The following KALRN variants were observed in gnomAD, a reference collection of about 807,000 sequenced individuals.
KALRN encodes the protein kalirin RhoGEF kinase.
A neutral mutation model predicts 353.7 loss-of-function variants in KALRN; 70 were observed. The observed-to-expected ratio is 0.20, with a 90% CI of 0.16 to 0.24. The LOEUF is 0.24. Ranked by LOEUF, KALRN falls within the 10% of genes least tolerant of loss-of-function variation. The pLI, the probability that KALRN is intolerant of heterozygous loss-of-function variation, is 1.00. For synonymous variants in KALRN, 1,391 were observed against 1,434.8 expected (o/e 0.97, Z 0.69); for missense variants, 2,791 against 3,756.7 (o/e 0.74, Z 6.72).
At chr3:124,038,875 C>T (rs961161665) in intron 1 of KALRN, among the ~76,000 whole-genome samples, 1 of 152,240 alleles carries the variant, frequency 6.6e-6, no homozygotes, top group African/African-American at 2.4e-5. Flanking sequence ...TGAGGACTCT[C>T]TTTCCTCCAA....
At chr3:124,706,358 T>C (rs555252772) in intron 57 of KALRN, among the ~76,000 whole-genome samples, 1 of 152,318 alleles carries the variant, frequency 6.6e-6, no homozygotes, top group South Asian at 2.1e-4. Context: ...TCTTATCCAC[T>C]GGACCTCCAG....
At chr3:124,339,039 G>A (rs535451129) in intron 9 of KALRN, among the ~76,000 whole-genome samples, 65 of 152,334 alleles carry the variant, frequency 4.3e-4, no homozygotes, top group Non-Finnish European at 8.8e-4. Flanking sequence ...ATTTGGGAAT[G>A]AGGTGGAGCC....
At chr3:124,158,750 A>G (rs1342881775) in intron 1 of KALRN, among the ~76,000 whole-genome samples, 1 of 152,192 alleles carries the variant, frequency 6.6e-6, no homozygotes, top group African/African-American at 2.4e-5. Flanking sequence ...GATTACGGCA[A>G]TGGATGGGGA....
At chr3:124,048,970 T>C (rs2040779972) in intron 1 of KALRN, among the ~76,000 whole-genome samples, 2 of 152,244 alleles carry the variant, frequency 1.3e-5, no homozygotes, top group South Asian at 2.1e-4. Context: ...CAAAGGTGAC[T>C]GTAGGACAAC....
chr3:124,399,991 T>A (rs2090657636), intron 13 of KALRN, among the ~76,000 whole-genome samples: 1 of 152,204 alleles, frequency 6.6e-6, no homozygotes, highest in Admixed American at 6.5e-5. Flanking sequence ...CTGGCTGGTA[T>A]GGTAGGGGGA....
chr3:124,375,022 C>G (rs1385654485), intron 10 of KALRN, among the ~76,000 whole-genome samples: 3 of 152,166 alleles, frequency 2.0e-5, no homozygotes, highest in Non-Finnish European at 4.4e-5. Context: ...ATCTTCTTCA[C>G]TTTTAAAATA....
rs2067074277 is a variant in KALRN, at chr3:124,144,603, TCCTCCTCTTCCTC to T, written c.74-83386_74-83374del. Among the ~76,000 whole-genome samples the T allele has an allele frequency of 3.6e-5, 3 of 82,222 alleles. No homozygotes were observed. The Admixed American group carries it at 4.2e-4, about 12-fold the overall frequency. The allele number at this position is 82,222 out of a possible 152,430, so 53.9% of individuals were successfully genotyped here. A position where few individuals can be genotyped will look rare whatever the true frequency, so the allele number is the denominator to read the frequency against. ...CTCCTCCTCTTCCTCGTCTTCCTTC[TCCTCCTCTTCCTC>T]ATCCTCCTCCTCTTCCTCATCCTCC... On this transcript the variant is annotated intron_variant, in intron 1 of 59. Transcript: ENST00000682506.
intron 33 of KALRN, among the ~76,000 whole-genome samples, chr3:124,496,800 C>T (rs1372688299): frequency 6.6e-6 from 1 of 152,118 alleles, no homozygotes; most frequent in Non-Finnish European, 1.5e-5. Context: ...ACCTTAGTGG[C>T]TGTGATTGGC....
At chr3:124,634,365 A>G (rs974138340) in intron 36 of KALRN, among the ~76,000 whole-genome samples, 1 of 152,208 alleles carries the variant, frequency 6.6e-6, no homozygotes, top group African/African-American at 2.4e-5. Context: ...AATGGTAGCT[A>G]CCAGTCAAGC....
chr3:124,034,172 C>T (rs1160962321), intron 1 of KALRN, among the ~76,000 whole-genome samples: 1 of 152,150 alleles, frequency 6.6e-6, no homozygotes, highest in African/African-American at 2.4e-5. Flanking sequence ...CGGCCCCTCC[C>T]TTGGCTCCCC....
intron 10 of KALRN, among the ~76,000 whole-genome samples, chr3:124,348,925 G>A (rs2149572242): frequency 6.6e-6 from 1 of 152,140 alleles, no homozygotes; most frequent in South Asian, 2.1e-4. Flanking sequence ...CACCACGTTG[G>A]CCAGGCTGGT....
chr3:124,202,315 A>T (rs547157348), intron 1 of KALRN, among the ~76,000 whole-genome samples: 10 of 152,252 alleles, frequency 6.6e-5, no homozygotes, highest in African/African-American at 2.2e-4. Flanking sequence ...CAGTGGTGCG[A>T]TCACAGGTCA....
rs183808860 is a variant in KALRN at position 124,528,539 on chromosome 3, T to C, written c.4935+32126T>C. ...GGCTCTCTCCTCCCAACTGCCTCAG[T>C]GTGCCCTCAAGAGACAAGCTTTTAA... On this transcript the variant is annotated intron_variant, in intron 33 of 59. Coordinates refer to ENST00000682506, the MANE Select transcript of KALRN (RefSeq NM_001388419.1). 1.1e-4 allele frequency among the ~76,000 whole-genome samples: 17 copies of C among 152,288 alleles called. No individual in the cohort carries two copies. In the East Asian group the frequency reaches 3.3e-3, roughly 29 times the overall value.
chr3:124,628,525 C>CTTCCT (rs1473850876), intron 34 of KALRN, among the ~76,000 whole-genome samples: 1 of 75,992 alleles, frequency 1.3e-5, no homozygotes, highest in Non-Finnish European at 2.8e-5. Context: ...CCTTCCTTTC[C>CTTCCT]TTCCTTCCTT....
intron 1 of KALRN, among the ~76,000 whole-genome samples, chr3:124,206,842 A>C (rs2076449938): frequency 6.6e-6 from 1 of 151,958 alleles, no homozygotes; most frequent in Non-Finnish European, 1.5e-5. Context: ...GGGACTCTTC[A>C]TTTCCATTTA....
chr3:124,145,224 C>A (rs1273591873), intron 1 of KALRN, among the ~76,000 whole-genome samples: 5 of 152,156 alleles, frequency 3.3e-5, no homozygotes, highest in African/African-American at 1.2e-4. Context: ...ATCTACTGAT[C>A]CAGTGACTCC....
intron 10 of KALRN, among the ~76,000 whole-genome samples, chr3:124,359,973 G>A (rs950888987): frequency 2.6e-5 from 4 of 152,222 alleles, no homozygotes; most frequent in East Asian, 1.9e-4. Flanking sequence ...ATCATCAAGC[G>A]TTAAGTGTTA....
chr3:124,344,636 G>C (rs917378460), intron 9 of KALRN, among the ~76,000 whole-genome samples: 2 of 152,080 alleles, frequency 1.3e-5, no homozygotes, highest in Non-Finnish European at 2.9e-5. Flanking sequence ...TTGTTAAATT[G>C]ATTTCTGCAT....
intron 19 of KALRN, among the ~76,000 whole-genome samples, chr3:124,445,664 G>A (rs1267542025): frequency 6.6e-6 from 1 of 152,146 alleles, no homozygotes; most frequent in Non-Finnish European, 1.5e-5. Flanking sequence ...ACAACCTCTT[G>A]TGCAGGTCCA....
Sources: allele counts gnomAD v4.1 joint callset (sites outside exome capture counted in the v4.1 genomes callset), GRCh38; gene constraint gnomAD v4.1.1; transcripts MANE v1.5; gene names NCBI Gene and HGNC (gene_info 2026-07-23, HGNC 2026-07-21).